ITPR2: variants seen among roughly 807,000 people sequenced by gnomAD.
ITPR2 encodes inositol 1,4,5-trisphosphate-gated calcium channel ITPR2.
A neutral mutation model predicts 317.1 loss-of-function variants in ITPR2; 207 were observed. That is an observed-to-expected ratio of 0.65 (90% CI 0.58 to 0.73). The LOEUF (loss-of-function observed/expected upper bound fraction) is 0.73. Ranked by LOEUF, ITPR2 falls within the 30% of genes least tolerant of loss-of-function variation. ITPR2 has a pLI of 0.00. For synonymous variants in ITPR2, 1,156 were observed against 1,149.1 expected (o/e 1.01, Z -0.12); for missense variants, 2,613 against 3,284.0 (o/e 0.80, Z 4.99).
rs567028420 is a variant in ITPR2 at position 26,423,018 on chromosome 12, A to C, written c.6946-3805T>G. Among the ~76,000 whole-genome samples the C allele has an allele frequency of 4.4e-4, 67 of 152,294 alleles. No individual in the cohort carries two copies. The South Asian group carries it at 0.013, about 31-fold the overall frequency. On this transcript the variant is annotated intron_variant, in intron 49 of 56. Transcript: ENST00000381340. ...TGCATGCAGTCAAAATCACCCTGGA[A>C]ATCTCTTAAATTGCTGACAAAACAG...
At chr12:26,415,170 T>C in intron 51 of ITPR2, 133 bp downstream of exon 51, 1 of 610,032 alleles carries the variant, frequency 1.6e-6, no homozygotes, top group Non-Finnish European at 2.8e-6. Flanking sequence ...CTCTTAGTAG[T>C]AAACAAAACA....
chr12:26,602,265 T>A, intron 28 of ITPR2, 105 bp downstream of exon 28: 1 of 1,279,328 alleles, frequency 7.8e-7, no homozygotes, highest in Non-Finnish European at 1.1e-6. Context: ...GGTGGGTGAT[T>A]TATTCTAAAA....
chr12:26,355,817 G>T (rs962950777), intron 55 of ITPR2, among the ~76,000 whole-genome samples: 1 of 152,180 alleles, frequency 6.6e-6, no homozygotes, highest in African/African-American at 2.4e-5. Context: ...GCACACTCAG[G>T]TTAAAGATCT....
intron 2 of ITPR2, among the ~76,000 whole-genome samples, chr12:26,746,616 T>C (rs1215604577): frequency 6.6e-6 from 1 of 152,160 alleles, no homozygotes; most frequent in African/African-American, 2.4e-5. Context: ...ACAAACTTAG[T>C]GTAGTAGTGC....
chr12:26,616,876 T>C (rs1467031779), intron 26 of ITPR2, among the ~76,000 whole-genome samples: 1 of 152,204 alleles, frequency 6.6e-6, no homozygotes, highest in East Asian at 1.9e-4. Context: ...TGAAGACCTT[T>C]ATGATGATCC....
At chr12:26,810,076 T>C (rs1950708076) in intron 1 of ITPR2, among the ~76,000 whole-genome samples, 1 of 152,228 alleles carries the variant, frequency 6.6e-6, no homozygotes, top group Non-Finnish European at 1.5e-5. Flanking sequence ...GTAAGACTTA[T>C]CCTAAATCAT....
intron 2 of ITPR2, among the ~76,000 whole-genome samples, chr12:26,742,276 G>T (rs1395631183): frequency 6.6e-6 from 1 of 152,144 alleles, no homozygotes; most frequent in African/African-American, 2.4e-5. Context: ...ATTGTAAAAA[G>T]TAACAAGAAA....
At chr12:26,827,913 A>T (rs1471144106) in intron 1 of ITPR2, among the ~76,000 whole-genome samples, 1 of 152,236 alleles carries the variant, frequency 6.6e-6, no homozygotes, top group Non-Finnish European at 1.5e-5. Context: ...TCACTTTAAC[A>T]ATTCGTACGC....
intron 11 of ITPR2, among the ~76,000 whole-genome samples, chr12:26,685,023 G>A (rs1286485829): frequency 1.3e-5 from 2 of 152,074 alleles, no homozygotes; most frequent in Admixed American, 6.5e-5. Flanking sequence ...AAAACACCCT[G>A]GGAAGCTCTA....
chr12:26,688,896 T>A lies in ITPR2; in HGVS notation c.997-2264A>T, dbSNP rs566116518. Among the ~76,000 whole-genome samples the A allele has an allele frequency of 2.0e-5, 3 of 152,186 alleles. No individual in the cohort carries two copies. The East Asian group carries it at 5.8e-4, about 29-fold the overall frequency. ...TATGAGGGGGAAAACCACCCTCTCATCCCTCAAGAAGAAAGTCTAAATGTC... is the reference window on the plus strand; with the variant it reads ...TATGAGGGGGAAAACCACCCTCTCAACCCTCAAGAAGAAAGTCTAAATGTC... On this transcript the variant is annotated intron_variant, in intron 10 of 56. Coordinates refer to ENST00000381340, the MANE Select transcript of ITPR2 (RefSeq NM_002223.4).
At chr12:26,734,996 CTTTTTTTTTT>C (rs5797195) in intron 2 of ITPR2, among the ~76,000 whole-genome samples, 14 of 109,042 alleles carry the variant, frequency 1.3e-4, no homozygotes, top group African/African-American at 2.8e-4. Context: ...GCAAGCCAGT[CTTTTTTTTTT>C]TTTTTTTTTT....
At chr12:26,348,695 T>G (rs774044612) in intron 55 of ITPR2, among the ~76,000 whole-genome samples, 2 of 152,092 alleles carry the variant, frequency 1.3e-5, no homozygotes, top group African/African-American at 2.4e-5. Context: ...TTCTTTGAAA[T>G]TAAAACACTA....
chr12:26,527,287 T>C (rs1017552316), intron 37 of ITPR2, among the ~76,000 whole-genome samples: 4 of 152,234 alleles, frequency 2.6e-5, no homozygotes, highest in Non-Finnish European at 4.4e-5. Flanking sequence ...CAACTTATAC[T>C]TCTTGGTGTG....
chr12:26,715,735 G>C lies in ITPR2; in HGVS notation c.708+17C>G. On this transcript the variant is annotated intron_variant, in intron 7 of 56. Transcript: ENST00000381340. ...CATCATTTCTCCCAGCAAATGTCCT[G>C]TGTAGCACATACTTACTCCTTTTAA... 2 of 1,462,558 alleles carry C rather than the reference G, an allele frequency of 1.4e-6. No homozygotes were observed. The highest frequency in any genetic ancestry group is 2.3e-5 in the South Asian group (2 of 87,090). 90.6% of individuals were successfully genotyped at this position (1,462,558 alleles called of 1,614,324 possible).
At chr12:26,775,322 A>G (rs1949940175) in intron 2 of ITPR2, among the ~76,000 whole-genome samples, 1 of 152,200 alleles carries the variant, frequency 6.6e-6, no homozygotes, top group South Asian at 2.1e-4. Context: ...AAAAAAAAAG[A>G]AAAAGAACAA....
intron 50 of ITPR2, 45 bp downstream of exon 50, chr12:26,419,004 T>C: frequency 1.3e-6 from 2 of 1,526,258 alleles, no homozygotes; most frequent in Admixed American, 1.8e-5. Context: ...GCAGCAGCAT[T>C]GTGTACTTTT....
chr12:26,419,308 G>A (rs987047921), intron 49 of ITPR2, 95 bp from the exon 50 acceptor site: 1 of 1,007,700 alleles, frequency 9.9e-7, no homozygotes. Context: ...TTTTTGACAT[G>A]GATGAAACAA....
At chr12:26,565,097 C>G (rs574203416) in intron 34 of ITPR2, among the ~76,000 whole-genome samples, 1 of 152,178 alleles carries the variant, frequency 6.6e-6, no homozygotes, top group African/African-American at 2.4e-5. Context: ...AAATGTAATT[C>G]CCAAACAAAA....
At chr12:26,608,320 G>C (rs929132605) in intron 26 of ITPR2, among the ~76,000 whole-genome samples, 4 of 152,158 alleles carry the variant, frequency 2.6e-5, no homozygotes, top group African/African-American at 9.7e-5. Context: ...ACAGGTATTA[G>C]GAAAAACTGG....
Sources: allele counts gnomAD v4.1 joint callset (sites outside exome capture counted in the v4.1 genomes callset), GRCh38; gene constraint gnomAD v4.1.1; transcripts MANE v1.5; gene names NCBI Gene and HGNC (gene_info 2026-07-23, HGNC 2026-07-21).